SULT1E1: variants seen among roughly 807,000 people sequenced by gnomAD.
The protein encoded by SULT1E1 is sulfotransferase 1E1.
SULT1E1 carries 36 observed loss-of-function variants against 33.6 expected under a neutral mutation model. The observed-to-expected ratio is 1.07, with a 90% CI of 0.82 to 1.41. The LOEUF (loss-of-function observed/expected upper bound fraction) is 1.41. SULT1E1 is among the 40% of genes most tolerant of loss of function. The pLI, the probability that SULT1E1 is intolerant of heterozygous loss-of-function variation, is 0.00. For missense variants in SULT1E1, 371 were observed against 345.7 expected (o/e 1.07, Z -0.58); for synonymous variants, 121 against 111.7 (o/e 1.08, Z -0.53).
At chr4:69,834,645 GT>G in the SULT1E1 span, among the ~76,000 whole-genome samples, 1 of 152,088 alleles carries the variant, frequency 6.6e-6, no homozygotes, top group Non-Finnish European at 1.5e-5. Context: ...TAATTCACCT[GT>G]TTTATTCCTC....
At chr4:69,850,176 T>C (rs757148603) in intron 4 of SULT1E1, among the ~76,000 whole-genome samples, 1 of 152,072 alleles carries the variant, frequency 6.6e-6, no homozygotes, top group Non-Finnish European at 1.5e-5. Context: ...ACTGTGGTTT[T>C]AGTTTCTAGT....
At chr4:69,821,947 T>C in the SULT1E1 span, among the ~76,000 whole-genome samples, 1 of 152,206 alleles carries the variant, frequency 6.6e-6, no homozygotes, top group Non-Finnish European at 1.5e-5. Flanking sequence ...CAGAACTATA[T>C]AGTTGTAATA....
intron 7 of SULT1E1, among the ~76,000 whole-genome samples, chr4:69,843,114 G>C (rs1720912280): frequency 6.6e-6 from 1 of 152,122 alleles, no homozygotes; most frequent in Admixed American, 6.5e-5. Context: ...GGGATTACAG[G>C]TGTGAGCCAC....
chr4:69,857,460 T>C, intron 2 of SULT1E1, 40 bp downstream of exon 2: 8 of 1,573,210 alleles, frequency 5.1e-6, no homozygotes, highest in Non-Finnish European at 6.9e-6. Flanking sequence ...ACAGTGTGTT[T>C]GTTATTTTTA....
chr4:69,855,111 G>A (rs1721208853), intron 3 of SULT1E1, among the ~76,000 whole-genome samples, 190 bp downstream of exon 3: 1 of 151,684 alleles, frequency 6.6e-6, no homozygotes. Context: ...CTCTATTCCA[G>A]ACATATGCTG....
At chr4:69,858,934 T>C (rs531326793) in intron 1 of SULT1E1, among the ~76,000 whole-genome samples, 2 of 152,236 alleles carry the variant, frequency 1.3e-5, no homozygotes, top group Admixed American at 1.3e-4. Flanking sequence ...TATCATTAAG[T>C]GGTTGGCTGA....
intron 4 of SULT1E1, among the ~76,000 whole-genome samples, chr4:69,853,827 T>C (rs1266966941): frequency 6.6e-6 from 1 of 152,172 alleles, no homozygotes; most frequent in Non-Finnish European, 1.5e-5. Flanking sequence ...AGGGAGGATA[T>C]TCAATACAAT....
At chr4:69,850,248 A>G (rs1354575569) in intron 4 of SULT1E1, among the ~76,000 whole-genome samples, 2 of 152,028 alleles carry the variant, frequency 1.3e-5, no homozygotes, top group African/African-American at 4.8e-5. Context: ...TACTAAACAA[A>G]TGATTTGTGT....
chr4:69,841,840 C>CGA lies in SULT1E1; in HGVS notation c.*153_*154insTC. 3.3e-6 allele frequency: 1 copy of CGA among 306,596 alleles called. No individual in the cohort carries two copies. The highest frequency in any genetic ancestry group is 5.5e-6 in the Non-Finnish European group (1 of 183,112). The allele number at this position is 306,596 out of a possible 1,614,324, so 19.0% of individuals were successfully genotyped here. ...TAGGCAACAGAGTGAGACTCTGTCT[C>CGA]AAAAAAAAAAAAAAAAAGTTAAACA... On this transcript the variant is annotated 3_prime_UTR_variant, in exon 8 of 8. Transcript: ENST00000226444.
chr4:69,829,235 C>T, the SULT1E1 span, among the ~76,000 whole-genome samples: 1 of 152,170 alleles, frequency 6.6e-6, no homozygotes, highest in Non-Finnish European at 1.5e-5. Context: ...ATTCACTAGA[C>T]AGCTTCCTCA....
the SULT1E1 span, among the ~76,000 whole-genome samples, chr4:69,826,936 G>T: frequency 2.0e-5 from 3 of 152,024 alleles, no homozygotes; most frequent in East Asian, 5.8e-4. Context: ...TTAATGATAA[G>T]CCTCCTCTAA....
chr4:69,847,751 CCCA>C lies in SULT1E1; in HGVS notation c.535_537del (p.Trp179del). 1 of 1,609,254 alleles carries C rather than the reference CCCA, an allele frequency of 6.2e-7. No individual in the cohort carries two copies. The highest frequency in any genetic ancestry group is 8.5e-7 in the Non-Finnish European group (1 of 1,176,870). ...AGTACACGTGGACTCTTTCCCTTTT[CCCA>C]CCAAGATTTTACATGTTTATACCAG... On this transcript the variant is annotated inframe_deletion, in exon 6 of 8. Coordinates refer to ENST00000226444, the MANE Select transcript of SULT1E1 (RefSeq NM_005420.3).
At chr4:69,821,841 T>G in the SULT1E1 span, among the ~76,000 whole-genome samples, 7 of 152,224 alleles carry the variant, frequency 4.6e-5, no homozygotes, top group Non-Finnish European at 7.3e-5. Flanking sequence ...AAATGTAATT[T>G]AAAGCTTTTG....
At chr4:69,855,276 T>C in intron 3 of SULT1E1, 25 bp downstream of exon 3, 1 of 1,604,110 alleles carries the variant, frequency 6.2e-7, no homozygotes, top group Non-Finnish European at 8.5e-7. Context: ...ATGCAAATAG[T>C]TTTTAAAATC....
the SULT1E1 span, among the ~76,000 whole-genome samples, chr4:69,826,369 A>G: frequency 6.6e-6 from 1 of 152,144 alleles, no homozygotes; most frequent in Non-Finnish European, 1.5e-5. Context: ...GCATGGGTGC[A>G]GGTTTTTGAG....
chr4:69,859,349 A>G (rs1261014787), intron 1 of SULT1E1, among the ~76,000 whole-genome samples: 1 of 152,030 alleles, frequency 6.6e-6, no homozygotes, highest in East Asian at 1.9e-4. Flanking sequence ...TAGGCCCTGT[A>G]GTCAGTGCTA....
chr4:69,854,329 A>G lies in SULT1E1; in HGVS notation c.272-15T>C. On this transcript the variant is annotated splice_polypyrimidine_tract_variant and intron_variant, in intron 3 of 7. Coordinates refer to ENST00000226444, the MANE Select transcript of SULT1E1 (RefSeq NM_005420.3). ...TTGTTTTACTCCTGATTTTTAAAAA[A>G]GTAAAGGTTAAGCAACTTCAAAAAT... is the stretch of plus-strand genomic sequence containing the variant. 6.3e-7 allele frequency: 1 copy of G among 1,580,274 alleles called. No homozygotes were observed. Among genetic ancestry groups the G allele is most frequent in the Non-Finnish European group, 8.7e-7 (1 of 1,155,354 alleles).
chr4:69,839,849 A>G (rs1428585020), downstream of SULT1E1, among the ~76,000 whole-genome samples: 1 of 152,236 alleles, frequency 6.6e-6, no homozygotes, highest in Non-Finnish European at 1.5e-5. Context: ...AAGAAGATAC[A>G]GAAGTTTCTT....
In SULT1E1 at chr4:69,844,342, C is replaced by G; in HGVS notation, c.592-1G>C. The G allele has an allele frequency of 6.3e-7, 1 of 1,594,180 alleles. No homozygotes were observed. Among genetic ancestry groups the G allele is most frequent in the Non-Finnish European group, 8.6e-7 (1 of 1,168,972 alleles). ...ATTTTATCACCTCTTTTCTGATATCCTAGGGAGAGAAAATGTTTTGAGAAC... is the reference window on the plus strand; with the variant it reads ...ATTTTATCACCTCTTTTCTGATATCGTAGGGAGAGAAAATGTTTTGAGAAC... On this transcript the variant is annotated splice_acceptor_variant, in intron 6 of 7. Coordinates refer to ENST00000226444, the MANE Select transcript of SULT1E1 (RefSeq NM_005420.3). LOFTEE classifies it high-confidence loss of function.
Sources: allele counts gnomAD v4.1 joint callset (sites outside exome capture counted in the v4.1 genomes callset), GRCh38; gene constraint gnomAD v4.1.1; transcripts MANE v1.5; gene names NCBI Gene and HGNC (gene_info 2026-07-23, HGNC 2026-07-21).